The following HDAC9 variants were observed in gnomAD, a reference collection of about 807,000 sequenced individuals.
HDAC9 encodes MEF-2 interacting transcription repressor (MITR) protein.
HDAC9 carries 41 observed loss-of-function variants against 139.4 expected under a neutral mutation model. The observed-to-expected ratio is 0.29, with a 90% CI of 0.23 to 0.38. The LOEUF is 0.38. Among genes scored for constraint, HDAC9 ranks in the 10% least tolerant of loss-of-function variants. The pLI is 1.00. For synonymous variants in HDAC9, 517 were observed against 476.2 expected (o/e 1.09, Z -1.12); for missense variants, 1,147 against 1,297.0 (o/e 0.88, Z 1.78).
chr7:18,819,425 A>AT (rs1478717097), intron 17 of HDAC9, among the ~76,000 whole-genome samples: 1 of 152,236 alleles, frequency 6.6e-6, no homozygotes, highest in Non-Finnish European at 1.5e-5. Context: ...TAAATCTGAC[A>AT]TTTTGATAAA....
At chr7:18,363,392 G>A (rs2128692119) in intron 1 of HDAC9, among the ~76,000 whole-genome samples, 1 of 152,246 alleles carries the variant, frequency 6.6e-6, no homozygotes, top group South Asian at 2.1e-4. Context: ...TCATCCTAGA[G>A]AAAGAACTGG....
At chr7:18,953,534 C>T (rs1382985534) in intron 23 of HDAC9, among the ~76,000 whole-genome samples, 2 of 152,080 alleles carry the variant, frequency 1.3e-5, no homozygotes, top group African/African-American at 2.4e-5. Context: ...AGGAGTTTGG[C>T]CTGTGCTTAC....
At chr7:18,298,754 A>G (rs1798321604) in intron 1 of HDAC9, among the ~76,000 whole-genome samples, 1 of 152,180 alleles carries the variant, frequency 6.6e-6, no homozygotes, top group Non-Finnish European at 1.5e-5. Context: ...ACTCTTAGTC[A>G]TATAGCTATA....
Position 18,526,879 on chromosome 7 carries a change from T to G in HDAC9, c.22+30555T>G, listed in dbSNP as rs529434278. Among the ~76,000 whole-genome samples the G allele has an allele frequency of 2.6e-5, 4 of 152,214 alleles. No homozygotes were observed. In the South Asian group the frequency reaches 8.3e-4, roughly 32 times the overall value. On this transcript the variant is annotated intron_variant, in intron 2 of 25. Coordinates refer to ENST00000686413, the MANE Select transcript of HDAC9 (RefSeq NM_178425.4). ...GACAAGGGGGTCTTAGGTTGAGCTT[T>G]AAAAAATGTTCTGTCTAGTCAATAA...
intron 19 of HDAC9, 32 bp from the exon 20 acceptor site, chr7:18,835,435 T>C: frequency 6.3e-7 from 1 of 1,598,148 alleles, no homozygotes; most frequent in Non-Finnish European, 8.5e-7. Context: ...TAGACATGAC[T>C]GTATTTGTCG....
At position 18,967,412 on chromosome 7, in the gene HDAC9, C is replaced by T. The variant is rs1283331381; in HGVS notation, c.3023-8394C>T. Among the ~76,000 whole-genome samples, 5 of 148,896 alleles carry T rather than the reference C, an allele frequency of 3.4e-5. No homozygotes were observed. The East Asian group carries it at 9.9e-4, about 29-fold the overall frequency. ...ATACAGTGTCCTTAATTGCTTCAAA[C>T]AGAAAAATCACTAAATTCTAATGAT... On this transcript the variant is annotated intron_variant, in intron 24 of 25. Coordinates refer to ENST00000686413, the MANE Select transcript of HDAC9 (RefSeq NM_178425.4).
chr7:18,642,701 A>G (rs1308645337), intron 8 of HDAC9, among the ~76,000 whole-genome samples: 1 of 152,020 alleles, frequency 6.6e-6, no homozygotes, highest in Non-Finnish European at 1.5e-5. Flanking sequence ...ACTGTCCCCA[A>G]ATCTCTTCAC....
At chr7:18,424,273 T>C (rs974910108) in intron 1 of HDAC9, among the ~76,000 whole-genome samples, 3 of 152,190 alleles carry the variant, frequency 2.0e-5, no homozygotes, top group African/African-American at 4.8e-5. Context: ...CAAACAGATT[T>C]AGGTTCAAAT....
chr7:18,867,756 C>G (rs527690716), intron 21 of HDAC9, among the ~76,000 whole-genome samples: 83 of 151,540 alleles, frequency 5.5e-4, no homozygotes, highest in African/African-American at 2.0e-3. Flanking sequence ...TGATCATTTC[C>G]TCTCCTCTCT....
chr7:18,829,440 C>A lies in HDAC9; in HGVS notation c.2379-21C>A, dbSNP rs1377195990. On this transcript the variant is annotated intron_variant, in intron 18 of 25. Transcript: ENST00000686413. ...CTGGATGATTTGCTTTCTTATTTCT[C>A]TGTTCTTCTCTATTCCGCAGGGGGT... 3.2e-6 allele frequency: 5 copies of A among 1,550,302 alleles called. No homozygotes were observed. The Admixed American group carries it at 5.2e-5, about 16-fold the overall frequency.
chr7:18,979,253 C>T lies in HDAC9; in HGVS notation c.3170+3300C>T, dbSNP rs144429529. Among the ~76,000 whole-genome samples the T allele has an allele frequency of 5.1e-3, 771 of 152,180 alleles. 8 individuals are homozygous for T. Among genetic ancestry groups the T allele is most frequent in the African/African-American group, 0.018 (739 of 41,516 alleles). On this transcript the variant is annotated intron_variant, in intron 25 of 25. Transcript: ENST00000686413. ...TAAATCCAAGTATCATCTACCTGAG[C>T]TTTGAATGGCTTATCAATAGTTCCA... is the stretch of plus-strand genomic sequence containing the variant.
At chr7:18,531,346 T>C (rs1247948741) in intron 2 of HDAC9, among the ~76,000 whole-genome samples, 1 of 152,160 alleles carries the variant, frequency 6.6e-6, no homozygotes, top group African/African-American at 2.4e-5. Flanking sequence ...GTGGTTACAC[T>C]CAAATTACTC....
chr7:18,387,797 A>ATAG (rs1786080682), intron 1 of HDAC9, among the ~76,000 whole-genome samples: 1 of 152,200 alleles, frequency 6.6e-6, no homozygotes, highest in Non-Finnish European at 1.5e-5. Flanking sequence ...ATGAATTCCA[A>ATAG]TAGTGTGATG....
intron 17 of HDAC9, among the ~76,000 whole-genome samples, chr7:18,820,024 T>C (rs6974299): frequency 0.25 from 38,138 of 152,018 alleles, 5,100 homozygotes; most frequent in Non-Finnish European, 0.29. Context: ...ACTACAACAA[T>C]CTAAGATGCT....
At chr7:18,556,135 A>G (rs1189344222) in intron 2 of HDAC9, among the ~76,000 whole-genome samples, 5 of 152,034 alleles carry the variant, frequency 3.3e-5, no homozygotes, top group African/African-American at 9.7e-5. Flanking sequence ...GCAGTTCAAA[A>G]ATGTTATAGC....
At chr7:18,606,197 A>G (rs932379332) in intron 6 of HDAC9, among the ~76,000 whole-genome samples, 2 of 152,206 alleles carry the variant, frequency 1.3e-5, no homozygotes, top group African/African-American at 2.4e-5. Context: ...ATTCTCTGAT[A>G]GATCTACGAA....
chr7:18,100,127 A>G (rs1004746216), intron 1 of HDAC9, among the ~76,000 whole-genome samples: 2 of 152,146 alleles, frequency 1.3e-5, no homozygotes, highest in African/African-American at 4.8e-5. Flanking sequence ...TAATAGTTTA[A>G]AGATGTTACT....
At chr7:18,561,165 G>A (rs988825570) in intron 2 of HDAC9, among the ~76,000 whole-genome samples, 2 of 152,194 alleles carry the variant, frequency 1.3e-5, no homozygotes, top group African/African-American at 4.8e-5. Flanking sequence ...GTTATTTGTG[G>A]TGGCATTTTA....
intron 6 of HDAC9, among the ~76,000 whole-genome samples, chr7:18,627,742 T>G (rs548764036): frequency 6.6e-6 from 1 of 152,164 alleles, no homozygotes; most frequent in African/African-American, 2.4e-5. Context: ...ACTTTGAGCT[T>G]GTGCTCACCC....
Sources: gnomAD v4.1 joint callset for allele counts (sites outside exome capture counted in the v4.1 genomes callset) on GRCh38, gnomAD v4.1.1 for gene constraint, MANE v1.5 for transcripts, NCBI Gene and HGNC (gene_info 2026-07-23, HGNC 2026-07-21) for gene names.